MYLK: variants seen among roughly 807,000 people sequenced by gnomAD.
MYLK encodes myosin light chain kinase, also known as myosin light chain kinase, smooth muscle.
MYLK carries 106 observed loss-of-function variants against 203.4 expected under a neutral mutation model. That is an observed-to-expected ratio of 0.52 (90% confidence interval 0.45 to 0.61). MYLK has a LOEUF of 0.61. Ranked by LOEUF, MYLK falls within the 20% of genes least tolerant of loss-of-function variation. MYLK has a pLI of 0.00. For synonymous variants in MYLK, 867 were observed against 959.5 expected, an observed-to-expected ratio of 0.90 and a Z score of 1.78; for missense variants, 2,072 against 2,442.3, an observed-to-expected ratio of 0.85 and a Z score of 3.20.
At chr3:123,802,581 C>T (rs189950096) in intron 3 of MYLK, among the ~76,000 whole-genome samples, 55 of 152,318 alleles carry the variant, frequency 3.6e-4, no homozygotes, top group African/African-American at 1.1e-3. Context: ...AAGGGGACAA[C>T]GACAACAACA....
At chr3:123,651,825 C>T (rs1235598208) in intron 24 of MYLK, among the ~76,000 whole-genome samples, 1 of 152,260 alleles carries the variant, frequency 6.6e-6, no homozygotes, top group Non-Finnish European at 1.5e-5. Flanking sequence ...CCTCTCACCC[C>T]AGAGGTCTGT....
intron 2 of MYLK, among the ~76,000 whole-genome samples, chr3:123,868,855 T>C (rs1334660687): frequency 7.2e-5 from 11 of 152,224 alleles, no homozygotes; most frequent in Admixed American, 7.2e-4. Context: ...CTATTTTACA[T>C]GCCACGTTGA....
rs576954174 is a variant in MYLK, at chr3:123,809,262, C to T, written c.-3-15418G>A. 2.6e-3 allele frequency among the ~76,000 whole-genome samples: 390 copies of T among 152,294 alleles called. 1 individual carries two copies. The Middle Eastern group carries it at 0.027, about 11-fold the overall frequency. ...TAAGCAGGCCAGGCGTGGTGGCTCACGCCTGTAATCCCAGCACTTTGGGAG... is the reference window on the plus strand; with the variant it reads ...TAAGCAGGCCAGGCGTGGTGGCTCATGCCTGTAATCCCAGCACTTTGGGAG... On this transcript the variant is annotated intron_variant, in intron 3 of 33. Coordinates refer to ENST00000360304, the MANE Select transcript of MYLK (RefSeq NM_053025.4).
In MYLK at chr3:123,692,815, G is replaced by A; in HGVS notation, c.3485C>T (p.Pro1162Leu). Residue 1162 changes from proline (P) to leucine (L), a missense_variant, in exon 19 of 34, where the codon CCT becomes CTT. By Grantham distance (98) the Pro-to-Leu change is moderately conservative. Transcript: ENST00000360304. ...ACACTTGTATAAGCCTCTGTCCTCA[G>A]GCAGTGCCTTCTCGATGGAGACGGA... ...LCSVSIEKAL[P>L]EDRGLYKCVA... 3 of 1,614,134 alleles carry A rather than the reference G, an allele frequency of 1.9e-6. No individual in the cohort carries two copies. Among genetic ancestry groups the A allele is most frequent in the South Asian group, 2.2e-5 (2 of 91,070 alleles).
chr3:123,789,152 G>A (rs2064668699), intron 4 of MYLK, among the ~76,000 whole-genome samples: 1 of 152,090 alleles, frequency 6.6e-6, no homozygotes, highest in South Asian at 2.1e-4. Context: ...TCTGTACATG[G>A]AAGCCCCCAG....
intron 5 of MYLK, among the ~76,000 whole-genome samples, chr3:123,745,387 G>T (rs1291087870): frequency 6.6e-6 from 1 of 152,094 alleles, no homozygotes; most frequent in Admixed American, 6.5e-5. Context: ...CTGGAGAAGT[G>T]CCTAGAACCA....
intron 2 of MYLK, among the ~76,000 whole-genome samples, chr3:123,863,624 A>G (rs991972649): frequency 6.6e-6 from 1 of 152,218 alleles, no homozygotes; most frequent in African/African-American, 2.4e-5. Flanking sequence ...CTTAATTATT[A>G]GGGAAATGCA....
chr3:123,685,967 G>T (rs1357497211), intron 19 of MYLK, among the ~76,000 whole-genome samples: 1 of 152,214 alleles, frequency 6.6e-6, no homozygotes. Flanking sequence ...TGAAGTGTCA[G>T]CACGGTGGGG....
At chr3:123,678,367 C>T (rs536184090) in intron 20 of MYLK, among the ~76,000 whole-genome samples, 1 of 152,246 alleles carries the variant, frequency 6.6e-6, no homozygotes, top group East Asian at 1.9e-4. Context: ...ATCCCGAAAT[C>T]TTCCCAAGCT....
intron 13 of MYLK, 57 bp from the exon 14 acceptor site, chr3:123,709,950 C>G: frequency 6.2e-7 from 1 of 1,607,804 alleles, no homozygotes; most frequent in Non-Finnish European, 8.5e-7. Context: ...TCAACAAACA[C>G]AGACTAAATG....
At chr3:123,881,297 A>G (rs13081955) in intron 1 of MYLK, among the ~76,000 whole-genome samples, 67,546 of 152,030 alleles carry the variant, frequency 0.44, 17,911 homozygotes, top group Non-Finnish European at 0.62. Context: ...CTAAGCATCC[A>G]CATGGACATT....
rs140256471 is a variant in MYLK, at chr3:123,801,968, G to A, written c.-3-8124C>T. Among the ~76,000 whole-genome samples the A allele has an allele frequency of 2.7e-3, 406 of 152,264 alleles. 5 individuals carry two copies. Among genetic ancestry groups the A allele is most frequent in the African/African-American group, 8.9e-3 (371 of 41,542 alleles). Reference sequence around the variant, plus strand: ...CAGTAATGAGATTGCTGGGTCTAACGGTAGTTCAACTCCTAGTTCTTTGAG... The same window carrying A: ...CAGTAATGAGATTGCTGGGTCTAACAGTAGTTCAACTCCTAGTTCTTTGAG... On this transcript the variant is annotated intron_variant, in intron 3 of 33. Coordinates refer to ENST00000360304, the MANE Select transcript of MYLK (RefSeq NM_053025.4).
At chr3:123,632,581 C>T (rs1262257005) in intron 29 of MYLK, among the ~76,000 whole-genome samples, 1 of 152,136 alleles carries the variant, frequency 6.6e-6, no homozygotes, top group African/African-American at 2.4e-5. Flanking sequence ...ACTCTCCTCA[C>T]CCTGCCTGGC....
intron 31 of MYLK, chr3:123,621,247 T>C (rs2057838485): frequency 1.3e-5 from 2 of 152,176 alleles, no homozygotes; most frequent in South Asian, 4.1e-4. Context: ...TCACCTTTTT[T>C]CTAAGGTTAA....
chr3:123,801,930 T>G (rs2065210936), intron 3 of MYLK, among the ~76,000 whole-genome samples: 1 of 152,216 alleles, frequency 6.6e-6, no homozygotes, highest in Non-Finnish European at 1.5e-5. Flanking sequence ...TTATCTTTCT[T>G]TGACTATATA....
rs370148607 is a variant in MYLK at position 123,752,327 on chromosome 3, T to G, written c.373+4A>C. On this transcript the variant is annotated splice_donor_region_variant and intron_variant, in intron 5 of 33. Transcript: ENST00000360304. ...CTCCTGGACTCGGGCCTCCTGGGACTCACCTTCTACTGTCAACTCCACTGT... is the reference window on the plus strand; with the variant it reads ...CTCCTGGACTCGGGCCTCCTGGGACGCACCTTCTACTGTCAACTCCACTGT... 1 of 1,613,898 alleles carries G rather than the reference T, an allele frequency of 6.2e-7. No homozygotes were observed. The highest frequency in any genetic ancestry group is 1.3e-5 in the African/African-American group (1 of 75,036).
intron 19 of MYLK, among the ~76,000 whole-genome samples, chr3:123,685,272 T>C (rs1443082368): frequency 1.3e-5 from 2 of 152,186 alleles, no homozygotes; most frequent in Admixed American, 6.5e-5. Flanking sequence ...AGAGAACACA[T>C]GCAACGGTGT....
In MYLK at chr3:123,856,885, G is replaced by A. The variant is rs377332052; in HGVS notation, c.-127+19674C>T. On this transcript the variant is annotated intron_variant, in intron 2 of 33. Transcript: ENST00000360304. ...ACCTACAAAATGGGATAAAATTTTC[G>A]CAACCTACTCATCTGACAAAGGGCT... Among the ~76,000 whole-genome samples, 22 of 151,910 alleles carry A rather than the reference G, an allele frequency of 1.4e-4. No homozygotes were observed. In the East Asian group the frequency reaches 2.3e-3, roughly 16 times the overall value.
At chr3:123,695,268 CG>C (rs964010934) in intron 18 of MYLK, among the ~76,000 whole-genome samples, 3 of 152,230 alleles carry the variant, frequency 2.0e-5, no homozygotes, top group African/African-American at 7.2e-5. Context: ...CAGGCCTAGG[CG>C]GACCTCTTCT....
Sources: gnomAD v4.1 joint callset for allele counts (sites outside exome capture counted in the v4.1 genomes callset) on GRCh38, gnomAD v4.1.1 for gene constraint, MANE v1.5 for transcripts, NCBI Gene and HGNC (gene_info 2026-07-23, HGNC 2026-07-21) for gene names.